Variants in HK3 observed in about 807,000 individuals in gnomAD.
The protein encoded by HK3 is hexokinase-3.
In HK3, 93 loss-of-function variants were observed where a neutral mutation model predicts 91.0. The ratio of observed to expected loss-of-function variants is 1.02; its 90% CI spans 0.86 to 1.21. The LOEUF is 1.21. Among genes scored for constraint, HK3 ranks in the 50% most tolerant of loss-of-function variants. The probability of loss-of-function intolerance (pLI) is 0.00; values close to 1 mark genes in which losing one functional copy is unlikely to be tolerated. For synonymous variants in HK3, 519 were observed against 516.9 expected, an observed-to-expected ratio of 1.00 and a Z score of -0.06; for missense variants, 1,235 against 1,247.4, an observed-to-expected ratio of 0.99 and a Z score of 0.15.
Position 176,889,569 on chromosome 5 carries a change from CAG to C in HK3, c.731-7_731-6del. The C allele has an allele frequency of 6.2e-7, 1 of 1,614,114 alleles. No individual in the cohort carries two copies. The highest frequency in any genetic ancestry group is 2.2e-5 in the East Asian group (1 of 44,882). On this transcript the variant is annotated splice_region_variant and splice_polypyrimidine_tract_variant and intron_variant, in intron 7 of 18. Transcript: ENST00000292432. ...AACACGCGTTGGTGCCCGTGTCTGG[CAG>C]AGACAACCCTGTCAAGGCCTGCTAG... is the stretch of plus-strand genomic sequence containing the variant.
In HK3 at chr5:176,888,832, C is replaced by T. The variant is rs1247924337; in HGVS notation, c.947G>A (p.Gly316Asp). The T allele has an allele frequency of 6.2e-7, 1 of 1,614,084 alleles. No individual in the cohort carries two copies. Among genetic ancestry groups the T allele is most frequent in the Non-Finnish European group, 8.5e-7 (1 of 1,180,032 alleles). Residue 316 changes from glycine (G) to aspartate (D), a missense_variant, in exon 9 of 19, where the codon GGT becomes GAT. Coordinates refer to ENST00000292432, the MANE Select transcript of HK3 (RefSeq NM_002115.3). Reference sequence around the variant, plus strand: ...AGCCAGCACCAGCCGCACCAGCTCACCCAGGTACAGGCCTCCGATCATCTT... The same window carrying T: ...AGCCAGCACCAGCCGCACCAGCTCATCCAGGTACAGGCCTCCGATCATCTT... ...FEKMIGGLYL[G>D]ELVRLVLAHL...
chr5:176,881,603 C>T (rs1198791960), intron 17 of HK3, 68 bp from the exon 18 acceptor site: 33 of 1,588,392 alleles, frequency 2.1e-5, no homozygotes, highest in Non-Finnish European at 2.8e-5. Flanking sequence ...TCCTCCAGAG[C>T]AGACCTCGTC....
At chr5:176,883,266 G>A (rs1277265828) in intron 15 of HK3, among the ~76,000 whole-genome samples, 1 of 152,128 alleles carries the variant, frequency 6.6e-6, no homozygotes, top group Non-Finnish European at 1.5e-5. Flanking sequence ...ATGGAATCTT[G>A]GACTGTCTGA....
At position 176,889,667 on chromosome 5, in the gene HK3, C is replaced by G. The variant is rs112160979; in HGVS notation, c.708G>C (p.Pro236=). The G allele has an allele frequency of 6.2e-7, 1 of 1,614,132 alleles. No individual in the cohort carries two copies. Residue 236 remains proline, a synonymous_variant, in exon 7 of 19, where the codon CCG becomes CCC. Coordinates refer to ENST00000292432, the MANE Select transcript of HK3 (RefSeq NM_002115.3). ...TMMGCEPGVR[P]CEVGLVVDTG... Reference sequence around the variant, plus strand: ...CACCTACAACTAGCCCAACCTCACACGGCCTGACCCCCGGCTCACAGCCCA... The same window carrying G: ...CACCTACAACTAGCCCAACCTCACAGGGCCTGACCCCCGGCTCACAGCCCA...
In HK3 at chr5:176,884,883, G is replaced by A. The variant is rs1300930745; in HGVS notation, c.1858-749C>T. Among the ~76,000 whole-genome samples the A allele has an allele frequency of 2.6e-5, 4 of 152,126 alleles. No individual in the cohort carries two copies. The highest frequency in any genetic ancestry group is 4.8e-5 in the African/African-American group (2 of 41,420). ...TGGAGGGTAGGTCAGGAAATCTTTG[G>A]GGCAGAAGATTTTAGAAATAGTAAG... is the stretch of plus-strand genomic sequence containing the variant. On this transcript the variant is annotated intron_variant, in intron 13 of 18. Coordinates refer to ENST00000292432, the MANE Select transcript of HK3 (RefSeq NM_002115.3). This position sits in a 1 kb window ranked among gnomAD's most constrained non-coding sequence, Gnocchi z 4.1.
chr5:176,891,625 G>A, intron 2 of HK3, 75 bp from the exon 3 acceptor site: 11 of 1,484,060 alleles, frequency 7.4e-6, no homozygotes, highest in Non-Finnish European at 1.0e-5. Context: ...AAACAAGGCA[G>A]AGGCCTGCCC....
At position 176,884,321 on chromosome 5, in the gene HK3, G is replaced by A. The variant is rs549057357; in HGVS notation, c.1858-187C>T. ...GCTCCCTACTCCCCAGGAGGCTTTC[G>A]GTGTGCAAAAACCTATTAATAACCA... On this transcript the variant is annotated intron_variant, in intron 13 of 18. Transcript: ENST00000292432. This position sits in a 1 kb window ranked among gnomAD's most constrained non-coding sequence, Gnocchi z 4.1. Among the ~76,000 whole-genome samples, 18 of 152,304 alleles carry A rather than the reference G, an allele frequency of 1.2e-4. No individual in the cohort carries two copies. Among genetic ancestry groups the A allele is most frequent in the South Asian group, 2.1e-4 (1 of 4,826 alleles).
In HK3 at chr5:176,881,303, G is replaced by T. The variant is rs534381486; in HGVS notation, c.2626C>A (p.Arg876Ser). 2 of 1,613,676 alleles carry T rather than the reference G, an allele frequency of 1.2e-6. No homozygotes were observed. The highest frequency in any genetic ancestry group is 1.3e-5 in the African/African-American group (1 of 75,036). Residue 876 changes from arginine to serine, a missense_variant and splice_region_variant, in exon 18 of 19, where the codon CGC becomes AGC. Arg to Ser is a moderately radical substitution (Grantham distance 110). This residue lies in a region of HK3 where 513 missense variants were observed against 477.4 expected (regional missense o/e 1.07). Coordinates refer to ENST00000292432, the MANE Select transcript of HK3 (RefSeq NM_002115.3). ...CCCAGCCCGCACACCCAGACTCACC[G>T]CGGGTGCAGCTTGTAGAGCGTTCCA... The part of the protein sequence containing the change: ...VDGTLYKLHP[R>S]FSSLVAATVR...
chr5:176,882,142 G>C lies in HK3; in HGVS notation c.2054-15C>G. On this transcript the variant is annotated splice_polypyrimidine_tract_variant and intron_variant, in intron 15 of 18. Coordinates refer to ENST00000292432, the MANE Select transcript of HK3 (RefSeq NM_002115.3). ...GGTGCCGGTTCCTGCAGAGAGGCCA[G>C]ACAACGTGGAAGCTACTTACTGATG... 1 of 1,611,866 alleles carries C rather than the reference G, an allele frequency of 6.2e-7. No individual in the cohort carries two copies.
chr5:176,890,055 G>A (rs1311406294), intron 6 of HK3, among the ~76,000 whole-genome samples: 3 of 151,966 alleles, frequency 2.0e-5, no homozygotes, highest in South Asian at 4.1e-4. Context: ...TGAACTCTGC[G>A]CCTTGCCAGC....
At position 176,884,409 on chromosome 5, in the gene HK3, G is replaced by A. The variant is rs139673936; in HGVS notation, c.1858-275C>T. 2.7e-3 allele frequency among the ~76,000 whole-genome samples: 415 copies of A among 152,334 alleles called. 1 individual carries two copies. Among genetic ancestry groups the A allele is most frequent in the African/African-American group, 9.7e-3 (404 of 41,570 alleles). On this transcript the variant is annotated intron_variant, in intron 13 of 18. Transcript: ENST00000292432. This position sits in a 1 kb window ranked among gnomAD's most constrained non-coding sequence, Gnocchi z 4.1. Reference sequence around the variant, plus strand: ...AGAGGGTCTGGCCATTTTAAGACGTGTGCCCGGAAGGAATGGCCCTTTGTA... The same window carrying A: ...AGAGGGTCTGGCCATTTTAAGACGTATGCCCGGAAGGAATGGCCCTTTGTA...
chr5:176,890,050 T>C (rs1345788623), intron 6 of HK3, among the ~76,000 whole-genome samples: 2 of 152,054 alleles, frequency 1.3e-5, no homozygotes, highest in Non-Finnish European at 2.9e-5. Flanking sequence ...CTCCTTGAAC[T>C]CTGCGCCTTG....
Position 176,888,838 on chromosome 5 carries a change from TAC to T in HK3, c.939_940del (p.Tyr314ProfsTer3). 2.5e-6 allele frequency: 4 copies of T among 1,614,062 alleles called. No individual in the cohort carries two copies. Among genetic ancestry groups the T allele is most frequent in the Non-Finnish European group, 2.5e-6 (3 of 1,179,994 alleles). ...CACCAGCCGCACCAGCTCACCCAGG[TAC>T]AGGCCTCCGATCATCTTCTCAAACC... On this transcript the variant is annotated frameshift_variant, in exon 9 of 19. Coordinates refer to ENST00000292432, the MANE Select transcript of HK3 (RefSeq NM_002115.3). LOFTEE classifies it high-confidence loss of function.
intron 13 of HK3, among the ~76,000 whole-genome samples, chr5:176,885,711 C>T (rs1422324424): frequency 6.6e-6 from 1 of 152,026 alleles, no homozygotes; most frequent in African/African-American, 2.4e-5. Context: ...TGAGCCACCG[C>T]GCCCAGCCTT....
chr5:176,883,863 C>T lies in HK3; in HGVS notation c.1960G>A (p.Glu654Lys). The change falls in exon 15 of 19, where the codon GAG becomes AAG. Residue 654 changes from glutamate to lysine, a missense_variant. This residue lies in a region of HK3 where 513 missense variants were observed against 477.4 expected (regional missense o/e 1.07). Coordinates refer to ENST00000292432, the MANE Select transcript of HK3 (RefSeq NM_002115.3). ...TTGACAATGGCAACCACATTCAGCT[C>T]CACTGCCTGCACACAAAAGGATGCT... ...REAITRRQAV[E>K]LNVVAIVNDT... is the part of the protein sequence containing the mutation. 6.2e-7 allele frequency: 1 copy of T among 1,614,022 alleles called. No individual in the cohort carries two copies. Among genetic ancestry groups the T allele is most frequent in the Non-Finnish European group, 8.5e-7 (1 of 1,179,950 alleles).
At chr5:176,894,167 G>C (rs1267141433) in intron 2 of HK3, among the ~76,000 whole-genome samples, 2 of 152,218 alleles carry the variant, frequency 1.3e-5, no homozygotes, top group Non-Finnish European at 2.9e-5. Context: ...CCAGCCTGGA[G>C]AGCCTGACTC....
Position 176,887,489 on chromosome 5 carries a change from A to C in HK3, c.1562T>G (p.Met521Arg), listed in dbSNP as rs1254814070. 6.2e-7 allele frequency: 1 copy of C among 1,613,478 alleles called. No homozygotes were observed. The highest frequency in any genetic ancestry group is 1.1e-5 in the South Asian group (1 of 91,078). The change falls in exon 11 of 19, where the codon ATG (methionine) becomes AGG (arginine). Residue 521 changes from methionine (M) to arginine (R), a missense_variant. This residue lies in a region of HK3 where 717 missense variants were observed against 751.6 expected (regional missense o/e 0.95). Coordinates refer to ENST00000292432, the MANE Select transcript of HK3 (RefSeq NM_002115.3). The surrounding 1 kb of genome is among the most constrained non-coding windows in gnomAD (Gnocchi z 4.9). ...GGTGGCCCGGACGAAAGTGGGCAGC[A>C]TGCGAAGGGAGGAGGCCTCCCCTCG... ...GLRGEASSLRMLPTFVRATPD... is the reference protein window; with the variant it reads ...GLRGEASSLRRLPTFVRATPD...
At chr5:176,895,718 A>T (rs1005984803) in intron 2 of HK3, among the ~76,000 whole-genome samples, 9 of 152,182 alleles carry the variant, frequency 5.9e-5, no homozygotes, top group Non-Finnish European at 1.3e-4. Flanking sequence ...TAACCCTGAG[A>T]AAGTCCACTC....
chr5:176,882,422 C>T (rs1581288973), intron 15 of HK3, among the ~76,000 whole-genome samples: 2 of 152,230 alleles, frequency 1.3e-5, no homozygotes, highest in Admixed American at 1.3e-4. Context: ...CCCTGGGAGA[C>T]ATGTGACATC....
Sources: gnomAD v4.1 joint callset for allele counts (sites outside exome capture counted in the v4.1 genomes callset) on GRCh38, gnomAD v4.1.1 for gene constraint, gnomAD v4.1.1 regional missense constraint, Gnocchi (gnomAD v3.1) non-coding constraint, MANE v1.5 for transcripts, NCBI Gene and HGNC (gene_info 2026-07-23, HGNC 2026-07-21) for gene names.